The following NEK10 variants were observed in gnomAD, a reference collection of about 807,000 sequenced individuals.
NEK10 encodes the protein serine/threonine-protein kinase Nek10.
In NEK10, 122 loss-of-function variants were observed where a neutral mutation model predicts 159.8. That is an observed-to-expected ratio of 0.76 (90% CI 0.66 to 0.89). The LOEUF is 0.89. NEK10 is among the 40% of genes least tolerant of loss of function. NEK10 has a pLI of 0.00. For missense variants in NEK10, 1,342 were observed against 1,323.1 expected (o/e 1.01, Z -0.22); for synonymous variants, 466 against 457.1 (o/e 1.02, Z -0.25).
At chr3:27,322,302 C>T (rs1199483571) in intron 5 of NEK10, 41 bp from the exon 6 acceptor site, 4 of 1,197,534 alleles carry the variant, frequency 3.3e-6, no homozygotes, top group African/African-American at 3.0e-5. Context: ...CGTTTAAAAT[C>T]CCAGTGTGGC....
At chr3:27,316,123 G>C in intron 6 of NEK10, among the ~76,000 whole-genome samples, 1 of 152,158 alleles carries the variant, frequency 6.6e-6, no homozygotes, top group African/African-American at 2.4e-5. Flanking sequence ...GCCTGAATTT[G>C]AACGTTTTCA....
chr3:27,173,717 T>C (rs1225590758), intron 28 of NEK10, among the ~76,000 whole-genome samples: 2 of 152,194 alleles, frequency 1.3e-5, no homozygotes, highest in African/African-American at 4.8e-5. Flanking sequence ...TTTCAGAATA[T>C]TTCTATCTAT....
At chr3:27,155,574 T>A (rs1945324138) in intron 30 of NEK10, among the ~76,000 whole-genome samples, 1 of 146,770 alleles carries the variant, frequency 6.8e-6, no homozygotes. Flanking sequence ...CTTAGGAATA[T>A]ACCTAACCAA....
At chr3:27,247,734 G>T (rs142286420) in intron 23 of NEK10, among the ~76,000 whole-genome samples, 3 of 151,468 alleles carry the variant, frequency 2.0e-5, no homozygotes, top group African/African-American at 7.3e-5. Context: ...ACAGGGTTTC[G>T]CCATGTTGCC....
chr3:27,351,484 T>C (rs1166185988), intron 3 of NEK10, among the ~76,000 whole-genome samples: 2 of 152,182 alleles, frequency 1.3e-5, no homozygotes, highest in African/African-American at 2.4e-5. Flanking sequence ...GGCTGTTTCC[T>C]CATCTGTAAA....
chr3:27,230,431 T>C (rs912929345), intron 23 of NEK10, among the ~76,000 whole-genome samples: 4 of 151,922 alleles, frequency 2.6e-5, no homozygotes, highest in African/African-American at 7.2e-5. Context: ...AAAGCATACA[T>C]CTCAGAGGGC....
At position 27,172,189 on chromosome 3, in the gene NEK10, G is replaced by T. The variant is rs891116740; in HGVS notation, c.2777-316C>A. Among the ~76,000 whole-genome samples the T allele has an allele frequency of 6.6e-5, 10 of 151,962 alleles. 1 individual carries two copies. Among genetic ancestry groups the T allele is most frequent in the African/African-American group, 2.2e-4 (9 of 41,462 alleles). ...TCCCTACTAAAAAGTACAAAAATTA[G>T]CTGGGTGTGGTGGAGCATGCCTGTA... On this transcript the variant is annotated intron_variant, in intron 28 of 35. Transcript: ENST00000691995.
At chr3:27,225,760 A>C (rs549364383) in intron 23 of NEK10, among the ~76,000 whole-genome samples, 1 of 152,168 alleles carries the variant, frequency 6.6e-6, no homozygotes, top group Admixed American at 6.5e-5. Context: ...TAGCCAATAC[A>C]TACTTTCTCC....
At chr3:27,332,943 G>A (rs760467062) in intron 5 of NEK10, among the ~76,000 whole-genome samples, 2 of 152,128 alleles carry the variant, frequency 1.3e-5, no homozygotes, top group South Asian at 2.1e-4. Flanking sequence ...CTTGAGATTC[G>A]TTACCAGGAG....
At chr3:27,187,846 G>A (rs190162505) in intron 26 of NEK10, among the ~76,000 whole-genome samples, 4 of 151,894 alleles carry the variant, frequency 2.6e-5, no homozygotes, top group East Asian at 1.9e-4. Context: ...TTTAGTCCAC[G>A]TTACCCACAG....
intron 9 of NEK10, 146 bp from the exon 10 acceptor site, chr3:27,309,151 T>TTTC (rs1204383520): frequency 1.9e-6 from 1 of 514,548 alleles, no homozygotes; most frequent in Non-Finnish European, 3.6e-6. Flanking sequence ...ACTGTTTTTT[T>TTTC]TTTTTGCTTA....
intron 23 of NEK10, among the ~76,000 whole-genome samples, chr3:27,250,688 C>T (rs921121501): frequency 1.3e-5 from 2 of 152,096 alleles, no homozygotes; most frequent in African/African-American, 4.8e-5. Context: ...ACCAGATATA[C>T]TATTCTGGGG....
At chr3:27,290,566 C>G in intron 19 of NEK10, 51 bp downstream of exon 19, 1 of 1,362,038 alleles carries the variant, frequency 7.3e-7, no homozygotes, top group East Asian at 2.3e-5. Context: ...TACTTTCTTG[C>G]AATGACATGT....
chr3:27,312,652 G>A (rs960885577), intron 7 of NEK10, among the ~76,000 whole-genome samples: 4 of 152,186 alleles, frequency 2.6e-5, no homozygotes, highest in Admixed American at 6.5e-5. Flanking sequence ...AATAAAATGC[G>A]TACTGAGTAG....
At chr3:27,111,965 G>C (rs13100079) in intron 35 of NEK10, among the ~76,000 whole-genome samples, 36,017 of 152,078 alleles carry the variant, frequency 0.24, 4,672 homozygotes, top group Middle Eastern at 0.4. Flanking sequence ...GGCTGGCCAA[G>C]CCTTTTTGAC....
chr3:27,139,448 C>T (rs1035751618), intron 31 of NEK10, among the ~76,000 whole-genome samples: 2 of 152,124 alleles, frequency 1.3e-5, no homozygotes, highest in Non-Finnish European at 2.9e-5. Context: ...CAGGGGAATT[C>T]ATGTACACCA....
intron 9 of NEK10, chr3:27,310,722 GA>G (rs11416748): frequency 7.5e-6 from 3 of 400,634 alleles, no homozygotes; most frequent in Non-Finnish European, 1.3e-5. Context: ...AATGGCATAG[GA>G]AAAAAAAGAA....
chr3:27,138,978 G>A (rs1943507193), intron 31 of NEK10, among the ~76,000 whole-genome samples: 1 of 152,160 alleles, frequency 6.6e-6, no homozygotes, highest in African/African-American at 2.4e-5. Flanking sequence ...ACAAGCTTGG[G>A]TCCTTTACAG....
intron 31 of NEK10, among the ~76,000 whole-genome samples, chr3:27,138,099 C>T (rs1339421087): frequency 1.3e-5 from 2 of 152,194 alleles, no homozygotes; most frequent in East Asian, 3.9e-4. Context: ...TCCTGCGTTG[C>T]CTTGCTGCGG....
Sources: allele counts gnomAD v4.1 joint callset (sites outside exome capture counted in the v4.1 genomes callset), GRCh38; gene constraint gnomAD v4.1.1; transcripts MANE v1.5; gene names NCBI Gene and HGNC (gene_info 2026-07-23, HGNC 2026-07-21).